AGPAT4: variants seen among roughly 807,000 people sequenced by gnomAD.
The protein encoded by AGPAT4 is 1-acyl-sn-glycerol-3-phosphate acyltransferase delta.
In AGPAT4, 15 loss-of-function variants were observed where a neutral mutation model predicts 48.0. The ratio of observed to expected loss-of-function variants is 0.31; its 90% confidence interval spans 0.21 to 0.48. The LOEUF is 0.48. Ranked by LOEUF, AGPAT4 falls within the 20% of genes least tolerant of loss-of-function variation. The pLI, the probability that AGPAT4 is intolerant of heterozygous loss-of-function variation, is 0.99. For synonymous variants in AGPAT4, 178 were observed against 198.7 expected (o/e 0.90, Z 0.88); for missense variants, 314 against 482.5 (o/e 0.65, Z 3.27).
chr6:161,180,812 C>T lies in AGPAT4; in HGVS notation c.179-14395G>A, dbSNP rs1484035283. Among the ~76,000 whole-genome samples the T allele has an allele frequency of 6.6e-6, 1 of 152,110 alleles. No homozygotes were observed. Among genetic ancestry groups the T allele is most frequent in the Non-Finnish European group, 1.5e-5 (1 of 68,024 alleles). On this transcript the variant is annotated intron_variant, in intron 2 of 8. Coordinates refer to ENST00000320285, the MANE Select transcript of AGPAT4 (RefSeq NM_020133.3). The surrounding 1 kb of genome is among the most constrained non-coding windows in gnomAD (Gnocchi z 6.4). Reference sequence around the variant, plus strand: ...ACAACACCCTCACCTGGAGGTCAGTCGTCAAGTTACAGGGTGCCCACCAGA... The same window carrying T: ...ACAACACCCTCACCTGGAGGTCAGTTGTCAAGTTACAGGGTGCCCACCAGA...
intron 1 of AGPAT4, among the ~76,000 whole-genome samples, chr6:161,241,859 A>G (rs752192680): frequency 6.6e-6 from 1 of 152,304 alleles, no homozygotes; most frequent in Non-Finnish European, 1.5e-5. Flanking sequence ...CAGCCTCCAG[A>G]GTAGCTGGGA....
At position 161,208,733 on chromosome 6, in the gene AGPAT4, G is replaced by A. The variant is rs1482032769; in HGVS notation, c.178+23303C>T. On this transcript the variant is annotated intron_variant, in intron 2 of 8. Coordinates refer to ENST00000320285, the MANE Select transcript of AGPAT4 (RefSeq NM_020133.3). The surrounding 1 kb of genome is among the most constrained non-coding windows in gnomAD (Gnocchi z 4.6). ...TGTGTTCAAAAGAAAACTATTTGGTGCTGATTTATTTAAATAAAAAATTAT... is the reference window on the plus strand; with the variant it reads ...TGTGTTCAAAAGAAAACTATTTGGTACTGATTTATTTAAATAAAAAATTAT... Among the ~76,000 whole-genome samples the A allele has an allele frequency of 6.6e-6, 1 of 152,174 alleles. No homozygotes were observed. The highest frequency in any genetic ancestry group is 2.4e-5 in the African/African-American group (1 of 41,424).
intron 8 of AGPAT4, 22 bp from the exon 9 acceptor site, chr6:161,136,656 A>G: frequency 6.2e-7 from 1 of 1,607,744 alleles, no homozygotes; most frequent in Non-Finnish European, 8.5e-7. Context: ...AGGAGAGCAG[A>G]GTTAGGAGTA....
chr6:161,160,825 G>A (rs1002832032), intron 3 of AGPAT4: 20 of 365,938 alleles, frequency 5.5e-5, no homozygotes, highest in Admixed American at 1.7e-4. Flanking sequence ...GTGGGATGGC[G>A]TTAGCCCCGC....
At chr6:161,170,750 C>T (rs1780247381) in intron 2 of AGPAT4, among the ~76,000 whole-genome samples, 1 of 152,168 alleles carries the variant, frequency 6.6e-6, no homozygotes, top group Non-Finnish European at 1.5e-5. Flanking sequence ...GAGCTGCTTC[C>T]ATTTGAGGTG....
rs1364354564 is a variant in AGPAT4 at position 161,222,227 on chromosome 6, G to T, written c.178+9809C>A. Among the ~76,000 whole-genome samples, 1 of 152,090 alleles carries T rather than the reference G, an allele frequency of 6.6e-6. No homozygotes were observed. Among genetic ancestry groups the T allele is most frequent in the Non-Finnish European group, 1.5e-5 (1 of 68,022 alleles). On this transcript the variant is annotated intron_variant, in intron 2 of 8. Transcript: ENST00000320285. The surrounding 1 kb of genome is among the most constrained non-coding windows in gnomAD (Gnocchi z 5.9). ...TTTCAGCACATTTGATTTCACAATG[G>T]GCTCACTTTATATTTTCCTTTTCTA...
At chr6:161,145,086 A>G (rs1343637898) in intron 7 of AGPAT4, among the ~76,000 whole-genome samples, 2 of 151,760 alleles carry the variant, frequency 1.3e-5, no homozygotes, top group East Asian at 1.9e-4. Context: ...AGAAGGGGGA[A>G]ATTCATATGG....
At position 161,161,291 on chromosome 6, in the gene AGPAT4, T is replaced by C. The variant is rs764714524; in HGVS notation, c.348+4957A>G. 1.8e-5 allele frequency: 8 copies of C among 456,608 alleles called. No individual in the cohort carries two copies. Among genetic ancestry groups the C allele is most frequent in the South Asian group, 9.3e-5 (6 of 64,576 alleles). The allele number at this position is 456,608 out of a possible 1,614,324, so 28.3% of individuals were successfully genotyped here. A position where few individuals can be genotyped will look rare whatever the true frequency, so the allele number is the denominator to read the frequency against. On this transcript the variant is annotated intron_variant, in intron 3 of 8. Transcript: ENST00000320285. This position sits in a 1 kb window ranked among gnomAD's most constrained non-coding sequence, Gnocchi z 4.6. ...CCCACCTCCAGGATGGTAGTCGGTA[T>C]GAACCCGCGGTGCAGCCATAGTCCC... is the stretch of plus-strand genomic sequence containing the variant.
rs1478711674 is a variant in AGPAT4, at chr6:161,177,208, G to C, written c.179-10791C>G. Among the ~76,000 whole-genome samples the C allele has an allele frequency of 6.6e-6, 1 of 152,192 alleles. No individual in the cohort carries two copies. Among genetic ancestry groups the C allele is most frequent in the East Asian group, 1.9e-4 (1 of 5,200 alleles). On this transcript the variant is annotated intron_variant, in intron 2 of 8. Transcript: ENST00000320285. The surrounding 1 kb of genome is among the most constrained non-coding windows in gnomAD (Gnocchi z 5.0). ...TGGCCTGCCTTGATAGGTTGGGGAA[G>C]TTATCCTGGATAATATCCTGTAGAG... is the stretch of plus-strand genomic sequence containing the variant.
Position 161,169,334 on chromosome 6 carries a change from G to T in AGPAT4, c.179-2917C>A, listed in dbSNP as rs1226851576. Among the ~76,000 whole-genome samples, 1 of 152,220 alleles carries T rather than the reference G, an allele frequency of 6.6e-6. No homozygotes were observed. Among genetic ancestry groups the T allele is most frequent in the African/African-American group, 2.4e-5 (1 of 41,458 alleles). On this transcript the variant is annotated intron_variant, in intron 2 of 8. Coordinates refer to ENST00000320285, the MANE Select transcript of AGPAT4 (RefSeq NM_020133.3). This position sits in a 1 kb window ranked among gnomAD's most constrained non-coding sequence, Gnocchi z 5.0. ...GGCCAGTTAGCGGGTGACTACATCA[G>T]CACAGCGAGAGGGGATGGTGCTGGG...
intron 2 of AGPAT4, among the ~76,000 whole-genome samples, chr6:161,207,879 G>A (rs1016801881): frequency 6.6e-6 from 1 of 152,072 alleles, no homozygotes; most frequent in Non-Finnish European, 1.5e-5. Flanking sequence ...GAGTGGGTGG[G>A]GACAGGAGTG....
intron 1 of AGPAT4, among the ~76,000 whole-genome samples, chr6:161,252,062 A>G (rs1014330009): frequency 6.6e-6 from 1 of 152,226 alleles, no homozygotes; most frequent in Admixed American, 6.5e-5. Flanking sequence ...TGGAACACTA[A>G]GTTCCATAAG....
intron 2 of AGPAT4, among the ~76,000 whole-genome samples, chr6:161,170,585 A>C (rs1055407578): frequency 2.0e-5 from 3 of 151,960 alleles, no homozygotes; most frequent in African/African-American, 4.8e-5. Context: ...TCTTATGTAA[A>C]TATACTGCAC....
chr6:161,157,494 G>A (rs1779795974), intron 3 of AGPAT4, among the ~76,000 whole-genome samples: 1 of 152,146 alleles, frequency 6.6e-6, no homozygotes, highest in African/African-American at 2.4e-5. Flanking sequence ...AGTATTTTTT[G>A]TAGACACAGG....
chr6:161,139,474 G>GATC lies in AGPAT4; in HGVS notation c.987_989dup (p.Met329dup), dbSNP rs1309896391. The GATC allele has an allele frequency of 6.2e-7, 1 of 1,614,098 alleles. No individual in the cohort carries two copies. Among genetic ancestry groups the GATC allele is most frequent in the Non-Finnish European group, 8.5e-7 (1 of 1,180,012 alleles). ...CCAGCGTCAGGGAAGACCCGCTCCT[G>GATC]ATCATGCTGACCAGGAACTGGAAGA... On this transcript the variant is annotated inframe_insertion, in exon 8 of 9. Coordinates refer to ENST00000320285, the MANE Select transcript of AGPAT4 (RefSeq NM_020133.3). This position sits in a 1 kb window ranked among gnomAD's most constrained non-coding sequence, Gnocchi z 9.1.
chr6:161,135,953 AC>A lies in AGPAT4; in HGVS notation c.*586del. On this transcript the variant is annotated 3_prime_UTR_variant, in exon 9 of 9. Transcript: ENST00000320285. The stretch of plus-strand genomic sequence containing the variant: ...TGCCAGGAGCTGTGCTGGCCTGCCC[AC>A]CCCTCTCAGCTGCCCACACCTCCGC... 1 of 154,014 alleles carries A rather than the reference AC, an allele frequency of 6.5e-6. No homozygotes were observed. The highest frequency in any genetic ancestry group is 1.4e-5 in the Non-Finnish European group (1 of 69,462). The allele number at this position is 154,014 out of a possible 1,614,324, so 9.5% of individuals were successfully genotyped here.
intron 5 of AGPAT4, among the ~76,000 whole-genome samples, chr6:161,150,423 G>C (rs1020112969): frequency 1.3e-5 from 2 of 152,216 alleles, no homozygotes; most frequent in African/African-American, 4.8e-5. Flanking sequence ...TTCAATAAAT[G>C]ATGAGCCAGA....
Position 161,135,631 on chromosome 6 carries a change from A to AT in AGPAT4, c.*908dup, listed in dbSNP as rs761279606. Reference sequence around the variant, plus strand: ...GAGGCATTTTATAAAGTGAAACTGCATTTTATCAGGGGTGACTTTGGCTGT... The same window carrying AT: ...GAGGCATTTTATAAAGTGAAACTGCATTTTTATCAGGGGTGACTTTGGCTGT... On this transcript the variant is annotated 3_prime_UTR_variant, in exon 9 of 9. Transcript: ENST00000320285. 2.6e-5 allele frequency: 4 copies of AT among 152,196 alleles called. No homozygotes were observed. 9.4% of individuals were successfully genotyped at this position (152,196 alleles called of 1,614,324 possible).
intron 8 of AGPAT4, 96 bp from the exon 9 acceptor site, chr6:161,136,730 A>G: frequency 9.4e-7 from 1 of 1,061,304 alleles, no homozygotes; most frequent in Non-Finnish European, 1.4e-6. Context: ...GCCGCAAATC[A>G]CAAGCGCCAG....
Sources: gnomAD v4.1 joint callset for allele counts (sites outside exome capture counted in the v4.1 genomes callset) on GRCh38, gnomAD v4.1.1 for gene constraint, Gnocchi (gnomAD v3.1) non-coding constraint, MANE v1.5 for transcripts, NCBI Gene and HGNC (gene_info 2026-07-23, HGNC 2026-07-21) for gene names.